The following PCNX3 variants were observed in gnomAD, a reference collection of about 807,000 sequenced individuals.
PCNX3 encodes the protein pecanex 3, also known as pecanex-like protein 3.
Under a neutral mutation model 207.2 loss-of-function variants are expected in PCNX3, and 58 were observed. The observed-to-expected ratio is 0.28, with a 90% CI of 0.23 to 0.35. The LOEUF is 0.35. Ranked by LOEUF, PCNX3 falls within the 10% of genes least tolerant of loss-of-function variation. PCNX3 has a pLI of 1.00. For missense variants in PCNX3, 2,410 were observed against 2,774.4 expected, an observed-to-expected ratio of 0.87 and a Z score of 2.95; for synonymous variants, 1,337 against 1,183.5, an observed-to-expected ratio of 1.13 and a Z score of -2.66.
intron 10 of PCNX3, 66 bp downstream of exon 10, chr11:65,621,032 G>T: frequency 6.8e-7 from 1 of 1,474,566 alleles, no homozygotes; most frequent in African/African-American, 1.4e-5. Context: ...CACTGAGTCC[G>T]GCCTGCATAG....
At chr11:65,617,571 C>T in intron 4 of PCNX3, 40 bp from the exon 5 acceptor site, 1 of 1,613,568 alleles carries the variant, frequency 6.2e-7, no homozygotes, top group Admixed American at 1.7e-5. Context: ...GCGTGCTGTG[C>T]CAGGGGGTCC....
Position 65,618,764 on chromosome 11 carries a change from C to T in PCNX3, c.1402C>T (p.Arg468Trp), listed in dbSNP as rs749820356. ...SRGAAGGPRK[R>W]RAPHGAEEGT... Reference sequence around the variant, plus strand: ...GGGTGCAGCAGGGGGACCCCGGAAGCGGAGGGCCCCCCATGGGGCTGAGGA... The same window carrying T: ...GGGTGCAGCAGGGGGACCCCGGAAGTGGAGGGCCCCCCATGGGGCTGAGGA... The change falls in exon 6 of 35, where the codon CGG becomes TGG. Residue 468 changes from arginine (R) to tryptophan (W), a missense_variant. Physicochemically the swap from Arg to Trp is moderately radical, Grantham distance 101. Transcript: ENST00000355703. 9.3e-6 allele frequency: 15 copies of T among 1,611,486 alleles called. No homozygotes were observed. The highest frequency in any genetic ancestry group is 2.2e-5 in the East Asian group (1 of 44,808).
At chr11:65,630,992 C>T (rs541923041) in intron 27 of PCNX3, among the ~76,000 whole-genome samples, 39 of 152,354 alleles carry the variant, frequency 2.6e-4, no homozygotes, top group Admixed American at 1.6e-3. Flanking sequence ...ACATTTACCA[C>T]GGGTGGGCGC....
rs1163348130 is a variant in PCNX3, at chr11:65,620,852, C to T, written c.2121C>T (p.Ser707=). Reference sequence around the variant, plus strand: ...ACAGGGACCGACACTCGCATTCCTCCAGCTTCCACTCGGCTGATGTCCCTG... The same window carrying T: ...ACAGGGACCGACACTCGCATTCCTCTAGCTTCCACTCGGCTGATGTCCCTG... ...NGAWDRHSHS[S]SFHSADVPEA... is the part of the protein sequence containing the mutation. Residue 707 remains serine, a synonymous_variant, in exon 10 of 35, where the codon TCC becomes TCT. Coordinates refer to ENST00000355703, the MANE Select transcript of PCNX3 (RefSeq NM_032223.4). 1.9e-6 allele frequency: 3 copies of T among 1,593,664 alleles called. No individual in the cohort carries two copies. The highest frequency in any genetic ancestry group is 2.6e-6 in the Non-Finnish European group (3 of 1,171,040).
intron 6 of PCNX3, 149 bp from the exon 7 acceptor site, chr11:65,619,388 C>T (rs1043194273): frequency 2.8e-6 from 4 of 1,416,280 alleles, no homozygotes; most frequent in Non-Finnish European, 3.7e-6. Context: ...GGAAACTGAG[C>T]ATGGGGCTGT....
intron 6 of PCNX3, 63 bp from the exon 7 acceptor site, chr11:65,619,474 C>T: frequency 3.8e-6 from 6 of 1,581,702 alleles, no homozygotes; most frequent in South Asian, 3.4e-5. Flanking sequence ...CCGTCCCCAA[C>T]CTTACTCCCC....
At position 65,618,551 on chromosome 11, in the gene PCNX3, C is replaced by T. The variant is rs771619353; in HGVS notation, c.1189C>T (p.Pro397Ser). 6 of 1,611,534 alleles carry T rather than the reference C, an allele frequency of 3.7e-6. No homozygotes were observed. The South Asian group carries it at 5.5e-5, about 15-fold the overall frequency. ...GCTACGGCCTAGCAAACGGCAGCCA[C>T]CCCTGCGAAGACACTCTCCACCTGG... ...ALLRPSKRQP[P>S]LRRHSPPGRA... Residue 397 changes from proline (P) to serine (S), a missense_variant, in exon 6 of 35, where the codon CCC becomes TCC. Physicochemically the swap from Pro to Ser is moderately conservative, Grantham distance 74. Transcript: ENST00000355703.
intron 26 of PCNX3, 129 bp downstream of exon 26, chr11:65,629,864 C>A: frequency 1.0e-6 from 1 of 985,306 alleles, no homozygotes; most frequent in Non-Finnish European, 1.5e-6. Context: ...TTGGGCAAGG[C>A]ACTCCTCCTC....
intron 27 of PCNX3, among the ~76,000 whole-genome samples, 157 bp downstream of exon 27, chr11:65,630,761 C>G (rs1302172236): frequency 6.6e-6 from 1 of 152,164 alleles, no homozygotes; most frequent in Non-Finnish European, 1.5e-5. Flanking sequence ...GGTGCCACTG[C>G]CAGACCTCAG....
In PCNX3 at chr11:65,635,379, G is replaced by C. The variant is rs758898958; in HGVS notation, c.5115G>C (p.Leu1705=). The C allele has an allele frequency of 6.0e-5, 97 of 1,612,330 alleles. No individual in the cohort carries two copies. The East Asian group carries it at 1.8e-3, about 30-fold the overall frequency. Residue 1705 remains leucine, a synonymous_variant, in exon 31 of 35, where the codon CTG becomes CTC. Coordinates refer to ENST00000355703, the MANE Select transcript of PCNX3 (RefSeq NM_032223.4). This position sits in a 1 kb window ranked among gnomAD's most constrained non-coding sequence, Gnocchi z 9.9. ...CCCTGCTGGCGCTGCGCCATGTCCT[G>C]GATGATGCCTCCGACGAGTACAAGA... The part of the protein sequence containing the change: ...TPSLLALRHV[L]DDASDEYKII...
intron 27 of PCNX3, among the ~76,000 whole-genome samples, chr11:65,631,702 G>A (rs548392521): frequency 5.9e-5 from 9 of 151,974 alleles, no homozygotes; most frequent in African/African-American, 1.9e-4. Context: ...CAGAATAAGC[G>A]TACTGGGAGT....
intron 29 of PCNX3, 52 bp from the exon 30 acceptor site, chr11:65,634,921 C>T (rs1277496143): frequency 4.4e-6 from 7 of 1,578,514 alleles, no homozygotes; most frequent in Non-Finnish European, 6.0e-6. Context: ...GAAGCCTTAC[C>T]CCTGGGTCCT....
Position 65,627,427 on chromosome 11 carries a change from G to A in PCNX3, c.3547G>A (p.Val1183Met), listed in dbSNP as rs371223142. The A allele has an allele frequency of 1.3e-5, 21 of 1,611,072 alleles. No individual in the cohort carries two copies. The highest frequency in any genetic ancestry group is 1.6e-4 in the Middle Eastern group (1 of 6,082). ...CFYCRALLMT[V>M]AGLKLLRSAF... ...CAGCTGCCGGGCGCTGCTGATGACCGTGGCTGGGCTGAAGCTGCTGCGCTC... is the reference window on the plus strand; with the variant it reads ...CAGCTGCCGGGCGCTGCTGATGACCATGGCTGGGCTGAAGCTGCTGCGCTC... The change falls in exon 22 of 35, where the codon GTG becomes ATG. Residue 1183 changes from valine to methionine, a missense_variant. Val to Met is a conservative substitution (Grantham distance 21). Transcript: ENST00000355703.
intron 13 of PCNX3, 50 bp downstream of exon 13, chr11:65,624,011 T>C: frequency 1.3e-5 from 21 of 1,605,310 alleles, no homozygotes; most frequent in Non-Finnish European, 1.8e-5. Flanking sequence ...CGGGAGGGGC[T>C]GAGACCAGGT....
intron 20 of PCNX3, 157 bp downstream of exon 20, chr11:65,626,211 G>GCC (rs1410914295): frequency 9.4e-7 from 1 of 1,064,526 alleles, no homozygotes; most frequent in South Asian, 1.4e-5. Flanking sequence ...TGTCCGTGTT[G>GCC]CCCGGCTGCG....
In PCNX3 at chr11:65,618,173, G is replaced by A. The variant is rs1320040154; in HGVS notation, c.811G>A (p.Glu271Lys). Residue 271 changes from glutamate to lysine, a missense_variant, in exon 6 of 35, where the codon GAA becomes AAA. Transcript: ENST00000355703. Reference sequence around the variant, plus strand: ...CCTGGTGAGGACCAGCAGTCGACGGGAACAACGCAGGGGGGCAGGTGGCTA... The same window carrying A: ...CCTGGTGAGGACCAGCAGTCGACGGAAACAACGCAGGGGGGCAGGTGGCTA... ...RALVRTSSRR[E>K]QRRGAGGYQP... 2.5e-6 allele frequency: 4 copies of A among 1,605,920 alleles called. No individual in the cohort carries two copies. Among genetic ancestry groups the A allele is most frequent in the Admixed American group, 3.4e-5 (2 of 59,530 alleles).
chr11:65,625,924 G>A lies in PCNX3; in HGVS notation c.3249G>A (p.Leu1083=). The change falls in exon 20 of 35, where the codon TTG becomes TTA. Residue 1083 remains leucine, a synonymous_variant. Transcript: ENST00000355703. This position sits in a 1 kb window ranked among gnomAD's most constrained non-coding sequence, Gnocchi z 5.6. The stretch of plus-strand genomic sequence containing the variant: ...TGCAGTCGGTGCTGGGTTTCGTGTT[G>A]TACGCACTGGCTGGGGCCGTGGGCT... ...IALKSVLGFV[L]YALAGAVGFF... The A allele has an allele frequency of 6.2e-7, 1 of 1,613,800 alleles. No homozygotes were observed.
rs1343779681 is a variant in PCNX3, at chr11:65,619,762, A to C, written c.1838A>C (p.Gln613Pro). 6.4e-7 allele frequency: 1 copy of C among 1,570,004 alleles called. No individual in the cohort carries two copies. The highest frequency in any genetic ancestry group is 1.3e-5 in the African/African-American group (1 of 74,366). Residue 613 changes from glutamine to proline, a missense_variant, in exon 8 of 35, where the codon CAG (glutamine) becomes CCG (proline). Physicochemically the swap from Gln to Pro is moderately conservative, Grantham distance 76 (BLOSUM62 -1). Coordinates refer to ENST00000355703, the MANE Select transcript of PCNX3 (RefSeq NM_032223.4). ...GGGCTGACCCTCTCCAGCAGCCTGC[A>C]GGAAGCTCAGCGGGGCCGGGCTGCC... is the stretch of plus-strand genomic sequence containing the variant. ...SVMGSPPSSL[Q>P]EAQRGRAASH... is the part of the protein sequence containing the mutation.
rs1855841518 is a variant in PCNX3 at position 65,636,400 on chromosome 11, A to G, written c.5603A>G (p.Asp1868Gly). Reference sequence around the variant, plus strand: ...TATCTGTCTCCTACAGGCAATGGTGACCAACCCCTCCCACCAGGCCCTGGC... The same window carrying G: ...TATCTGTCTCCTACAGGCAATGGTGGCCAACCCCTCCCACCAGGCCCTGGC... ...PTPENTAGNGDQPLPPGPGWG... is the reference protein window; with the variant it reads ...PTPENTAGNGGQPLPPGPGWG... The change falls in exon 34 of 35, where the codon GAC becomes GGC. Residue 1868 changes from aspartate (D) to glycine (G), a missense_variant. Coordinates refer to ENST00000355703, the MANE Select transcript of PCNX3 (RefSeq NM_032223.4). 6.4e-7 allele frequency: 1 copy of G among 1,559,984 alleles called. No homozygotes were observed. Among genetic ancestry groups the G allele is most frequent in the Non-Finnish European group, 8.7e-7 (1 of 1,153,154 alleles).
Sources: allele counts gnomAD v4.1 joint callset (sites outside exome capture counted in the v4.1 genomes callset), GRCh38; gene constraint gnomAD v4.1.1; non-coding constraint Gnocchi (gnomAD v3.1); transcripts MANE v1.5; gene names NCBI Gene and HGNC (gene_info 2026-07-23, HGNC 2026-07-21).